IQCM: variants seen among roughly 807,000 people sequenced by gnomAD.
IQCM encodes the protein IQ motif containing M, also known as IQ domain-containing protein M.
IQCM carries 45 observed loss-of-function variants against 57.6 expected under a neutral mutation model. That is an observed-to-expected ratio of 0.78 (90% CI 0.62 to 1.00). IQCM has a LOEUF of 1.00. Among genes scored for constraint, IQCM ranks in the 50% least tolerant of loss-of-function variants. IQCM has a pLI of 0.00. For synonymous variants in IQCM, 148 were observed against 158.9 expected (o/e 0.93, Z 0.51); for missense variants, 468 against 511.6 (o/e 0.91, Z 0.82).
chr4:149,657,600 G>A (rs902389640), intron 7 of IQCM, among the ~76,000 whole-genome samples: 2 of 151,890 alleles, frequency 1.3e-5, no homozygotes, highest in African/African-American at 2.4e-5. Flanking sequence ...TTCCATGATC[G>A]CTTACTAATT....
intron 2 of IQCM, among the ~76,000 whole-genome samples, chr4:149,804,922 A>C (rs1773933153): frequency 6.6e-6 from 1 of 152,054 alleles, no homozygotes; most frequent in Admixed American, 6.6e-5. Flanking sequence ...TTTACTAGTA[A>C]AATGAAGTGC....
intron 9 of IQCM, among the ~76,000 whole-genome samples, chr4:149,586,473 G>A (rs1752653645): frequency 6.6e-6 from 1 of 151,264 alleles, no homozygotes; most frequent in Admixed American, 6.6e-5. Flanking sequence ...CCTGATATTG[G>A]TAATTTGTGT....
At chr4:149,353,428 C>T (rs577094938) in intron 13 of IQCM, among the ~76,000 whole-genome samples, 16 of 152,274 alleles carry the variant, frequency 1.1e-4, no homozygotes, top group African/African-American at 3.9e-4. Context: ...AATCCCTCTT[C>T]TGGGCATATA....
At chr4:149,759,878 A>G (rs1470340923) in intron 2 of IQCM, among the ~76,000 whole-genome samples, 1 of 152,142 alleles carries the variant, frequency 6.6e-6, no homozygotes, top group Non-Finnish European at 1.5e-5. Flanking sequence ...AAGAAAATAG[A>G]AGAAAGAAAT....
chr4:149,808,078 A>G (rs1257758625), intron 2 of IQCM, among the ~76,000 whole-genome samples: 1 of 152,134 alleles, frequency 6.6e-6, no homozygotes, highest in Non-Finnish European at 1.5e-5. Context: ...CATATTTCCA[A>G]AAGAAAGGAA....
chr4:149,745,846 A>G lies in IQCM; in HGVS notation c.-48-3107T>C, dbSNP rs79277258. 8.9e-3 allele frequency among the ~76,000 whole-genome samples: 1,360 copies of G among 152,014 alleles called. 9 individuals carry two copies. The highest frequency in any genetic ancestry group is 0.03 in the African/African-American group (1,260 of 41,462). Reference sequence around the variant, plus strand: ...AATTAGCTGGGTGGGGTGCATTCATATAGTCCCAGCTACTCTACTGGAGGC... The same window carrying G: ...AATTAGCTGGGTGGGGTGCATTCATGTAGTCCCAGCTACTCTACTGGAGGC... On this transcript the variant is annotated intron_variant, in intron 2 of 13. Coordinates refer to ENST00000636793, the MANE Select transcript of IQCM (RefSeq NM_001363507.2).
rs149247661 is a variant in IQCM, at chr4:149,395,788, T to C, written c.1390+37608A>G. On this transcript the variant is annotated intron_variant, in intron 13 of 13. Transcript: ENST00000636793. ...AATTAGTATTAAGACCTATTCTCTATTCCCAGAAGGGAAAATGACTAGACA... is the reference window on the plus strand; with the variant it reads ...AATTAGTATTAAGACCTATTCTCTACTCCCAGAAGGGAAAATGACTAGACA... Among the ~76,000 whole-genome samples the C allele has an allele frequency of 3.8e-3, 582 of 152,156 alleles. 1 individual carries two copies. Among genetic ancestry groups the C allele is most frequent in the Non-Finnish European group, 6.1e-3 (414 of 67,950 alleles).
chr4:149,582,327 T>C (rs1484399690), intron 9 of IQCM, among the ~76,000 whole-genome samples: 4 of 12,996 alleles, frequency 3.1e-4, no homozygotes, highest in Non-Finnish European at 7.1e-4. Flanking sequence ...TATATATATA[T>C]ATATATATAT....
chr4:149,604,515 T>C (rs901100041), intron 8 of IQCM, among the ~76,000 whole-genome samples: 1 of 152,126 alleles, frequency 6.6e-6, no homozygotes, highest in Non-Finnish European at 1.5e-5. Flanking sequence ...ATACTGCAAA[T>C]TTAAACCAAC....
chr4:149,499,915 C>G (rs761982691), intron 12 of IQCM, among the ~76,000 whole-genome samples: 1 of 152,156 alleles, frequency 6.6e-6, no homozygotes. Context: ...CTCAAGACTA[C>G]GCAAGTTCTT....
rs1758211305 is a variant in IQCM at position 149,641,754 on chromosome 4, G to C, written c.566-20510C>G. ...GGTTTCTTTCCTATTCCTTAAGTCA[G>C]ATAAAGCTTACAACGTGTTATATAG... On this transcript the variant is annotated intron_variant, in intron 7 of 13. Transcript: ENST00000636793. 2.0e-5 allele frequency among the ~76,000 whole-genome samples: 3 copies of C among 152,142 alleles called. No homozygotes were observed. In the South Asian group the frequency reaches 6.2e-4, roughly 32 times the overall value.
chr4:149,715,641 T>G lies in IQCM; in HGVS notation c.385+17603A>C, dbSNP rs1415970880. 3.3e-5 allele frequency among the ~76,000 whole-genome samples: 5 copies of G among 152,102 alleles called. No homozygotes were observed. In the East Asian group the frequency reaches 9.7e-4, roughly 29 times the overall value. ...TCTTTCAGTCCTGCCATCTGGTGGG[T>G]CCGGAGTTCTTGTCCCATGTCCAGG... On this transcript the variant is annotated intron_variant, in intron 5 of 13. Coordinates refer to ENST00000636793, the MANE Select transcript of IQCM (RefSeq NM_001363507.2).
intron 12 of IQCM, among the ~76,000 whole-genome samples, chr4:149,524,943 G>T (rs180849466): frequency 6.6e-6 from 1 of 151,458 alleles, no homozygotes; most frequent in African/African-American, 2.4e-5. Flanking sequence ...GTACCATAAA[G>T]TACCACTATT....
At chr4:149,376,663 A>G (rs1047383559) in intron 13 of IQCM, among the ~76,000 whole-genome samples, 2 of 152,194 alleles carry the variant, frequency 1.3e-5, no homozygotes, top group Admixed American at 6.6e-5. Flanking sequence ...AGATTATTTT[A>G]TGACTCTAAC....
intron 7 of IQCM, among the ~76,000 whole-genome samples, chr4:149,659,680 A>G (rs1468660105): frequency 6.6e-6 from 1 of 152,140 alleles, no homozygotes; most frequent in Non-Finnish European, 1.5e-5. Flanking sequence ...AACACCGCAT[A>G]TCTACAACTG....
intron 13 of IQCM, among the ~76,000 whole-genome samples, chr4:149,414,509 C>A (rs550196726): frequency 2.6e-4 from 39 of 152,188 alleles, no homozygotes; most frequent in African/African-American, 7.5e-4. Context: ...AGAGAGTGCA[C>A]AGAGCCATAT....
intron 1 of IQCM, 27 bp downstream of exon 1, chr4:149,815,572 AG>A (rs1355584352): frequency 1.3e-5 from 2 of 152,032 alleles, no homozygotes; most frequent in Non-Finnish European, 2.9e-5. Context: ...ATACTACTTA[AG>A]CCAATTGATA....
At chr4:149,613,449 T>G (rs1380633851) in intron 8 of IQCM, among the ~76,000 whole-genome samples, 1 of 152,094 alleles carries the variant, frequency 6.6e-6, no homozygotes, top group Non-Finnish European at 1.5e-5. Context: ...CCAAAATGAT[T>G]CAAGAAATTT....
intron 7 of IQCM, among the ~76,000 whole-genome samples, chr4:149,681,710 T>C (rs891943768): frequency 2.0e-5 from 3 of 151,136 alleles, no homozygotes; most frequent in Non-Finnish European, 3.0e-5. Flanking sequence ...TTTGAATCAA[T>C]AGCCCCCTAG....
Sources: gnomAD v4.1 joint callset for allele counts (sites outside exome capture counted in the v4.1 genomes callset) on GRCh38, gnomAD v4.1.1 for gene constraint, MANE v1.5 for transcripts, NCBI Gene and HGNC (gene_info 2026-07-23, HGNC 2026-07-21) for gene names.